Variants in PI4KA observed in about 807,000 individuals in gnomAD.
The protein encoded by PI4KA is PI4-kinase alpha.
Under a neutral mutation model 271.4 loss-of-function variants are expected in PI4KA, and 122 were observed. That is an observed-to-expected ratio of 0.45 (90% CI 0.39 to 0.52). PI4KA has a LOEUF of 0.52. Among genes scored for constraint, PI4KA ranks in the 20% least tolerant of loss-of-function variants. The pLI is 0.00. For synonymous variants in PI4KA, 1,041 were observed against 1,078.8 expected, an observed-to-expected ratio of 0.96 and a Z score of 0.69; for missense variants, 1,969 against 2,769.1, an observed-to-expected ratio of 0.71 and a Z score of 6.48.
chr22:20,773,650 G>A (rs931299389), intron 19 of PI4KA, among the ~76,000 whole-genome samples: 1 of 152,270 alleles, frequency 6.6e-6, no homozygotes, highest in East Asian at 1.9e-4. Flanking sequence ...ACTGAGGAAC[G>A]AGCTCTTGGA....
chr22:20,854,107 A>G (rs1379496225), intron 1 of PI4KA, among the ~76,000 whole-genome samples: 1 of 151,974 alleles, frequency 6.6e-6, no homozygotes, highest in Non-Finnish European at 1.5e-5. Context: ...GGAGCTCAAT[A>G]AATGTTTTCT....
intron 42 of PI4KA, among the ~76,000 whole-genome samples, chr22:20,725,094 C>T (rs1927192253): frequency 6.6e-6 from 1 of 152,210 alleles, no homozygotes; most frequent in Non-Finnish European, 1.5e-5. Flanking sequence ...GGTCTACAGA[C>T]TCCAAGGCTA....
In PI4KA at chr22:20,739,041, A is replaced by C. The variant is rs1212138649; in HGVS notation, c.3741+3187T>G. ...CAAAGTCAGGAGACTCAGTCACAAA[A>C]AAAAAAAAAAAAAAAAGCAACTGGC... is the stretch of plus-strand genomic sequence containing the variant. On this transcript the variant is annotated intron_variant, in intron 32 of 54. Coordinates refer to ENST00000255882, the MANE Select transcript of PI4KA (RefSeq NM_058004.4). Among the ~76,000 whole-genome samples, 274 of 149,650 alleles carry C rather than the reference A, an allele frequency of 1.8e-3. 1 individual carries two copies. Among genetic ancestry groups the C allele is most frequent in the African/African-American group, 6.7e-3 (272 of 40,872 alleles).
At chr22:20,797,196 G>A (rs1935038691) in intron 17 of PI4KA, among the ~76,000 whole-genome samples, 1 of 152,200 alleles carries the variant, frequency 6.6e-6, no homozygotes, top group Admixed American at 6.5e-5. Flanking sequence ...ACAAAGGGCA[G>A]TAAATGCTTC....
chr22:20,726,130 T>C (rs763492200), intron 42 of PI4KA, among the ~76,000 whole-genome samples: 1 of 152,156 alleles, frequency 6.6e-6, no homozygotes, highest in Non-Finnish European at 1.5e-5. Context: ...GACTAATGCA[T>C]ATGTCATCTC....
rs140467082 is a variant in PI4KA, at chr22:20,742,761, A to G, written c.3460T>C (p.Tyr1154His). Residue 1154 changes from tyrosine to histidine, a missense_variant, in exon 31 of 55, where the codon TAT becomes CAT. By Grantham distance (83) the Tyr-to-His change is moderately conservative. Coordinates refer to ENST00000255882, the MANE Select transcript of PI4KA (RefSeq NM_058004.4). ...NLRNRYAGEV[Y>H]GMIRFSGTTG... Reference sequence around the variant, plus strand: ...GTGCCTGAGAACCGAATCATTCCATACACCTGCAAAAACATTCTCATCAGC... The same window carrying G: ...GTGCCTGAGAACCGAATCATTCCATGCACCTGCAAAAACATTCTCATCAGC... 1 of 1,613,996 alleles carries G rather than the reference A, an allele frequency of 6.2e-7. No homozygotes were observed. The highest frequency in any genetic ancestry group is 8.5e-7 in the Non-Finnish European group (1 of 1,179,890).
intron 19 of PI4KA, chr22:20,786,915 C>A (rs1482604660): frequency 6.2e-7 from 1 of 1,614,056 alleles, no homozygotes; most frequent in Non-Finnish European, 8.5e-7. Flanking sequence ...GAGGAAGGCA[C>A]CCAAGCCACC....
intron 23 of PI4KA, among the ~76,000 whole-genome samples, chr22:20,758,468 T>C (rs1931587234): frequency 1.4e-5 from 2 of 147,820 alleles, no homozygotes; most frequent in Admixed American, 6.7e-5. Flanking sequence ...TCTTTTTTTT[T>C]TTTTTTTTTG....
At chr22:20,755,361 C>T (rs188729286) in intron 23 of PI4KA, among the ~76,000 whole-genome samples, 1 of 152,136 alleles carries the variant, frequency 6.6e-6, no homozygotes, top group Non-Finnish European at 1.5e-5. Flanking sequence ...AACAAGGTGC[C>T]CCAGGCTCAT....
At chr22:20,852,399 T>C (rs2147825326) in intron 1 of PI4KA, among the ~76,000 whole-genome samples, 1 of 152,290 alleles carries the variant, frequency 6.6e-6, no homozygotes, top group East Asian at 1.9e-4. Context: ...GAAAGTGGCC[T>C]CGGAAGAAAT....
chr22:20,756,214 T>C (rs1379791359), intron 23 of PI4KA, among the ~76,000 whole-genome samples: 1 of 152,010 alleles, frequency 6.6e-6, no homozygotes, highest in Non-Finnish European at 1.5e-5. Flanking sequence ...AGCTTTTTTT[T>C]TTTTTTTTAA....
chr22:20,807,497 A>G, intron 9 of PI4KA, 39 bp from the exon 10 acceptor site: 1 of 1,221,340 alleles, frequency 8.2e-7, no homozygotes, highest in South Asian at 1.2e-5. Flanking sequence ...TAGAACAGAA[A>G]TGCCCTTCTG....
intron 19 of PI4KA, 33 bp from the exon 20 acceptor site, chr22:20,765,726 T>C: frequency 1.4e-6 from 2 of 1,429,232 alleles, no homozygotes; most frequent in Non-Finnish European, 2.0e-6. Flanking sequence ...AGAAAGGAGG[T>C]TATTTGCTGA....
At chr22:20,758,397 TTC>T (rs1383601143) in intron 23 of PI4KA, among the ~76,000 whole-genome samples, 1 of 147,222 alleles carries the variant, frequency 6.8e-6, no homozygotes, top group Non-Finnish European at 1.5e-5. Context: ...AAACATGAGA[TTC>T]TGTGTCTTAA....
intron 3 of PI4KA, among the ~76,000 whole-genome samples, chr22:20,827,478 G>C (rs1452092159): frequency 6.6e-6 from 1 of 152,036 alleles, no homozygotes; most frequent in Non-Finnish European, 1.5e-5. Flanking sequence ...GTTTGAAGTT[G>C]GGTAATGTGA....
intron 36 of PI4KA, among the ~76,000 whole-genome samples, chr22:20,730,601 C>T (rs1354944353): frequency 6.7e-6 from 1 of 148,256 alleles, no homozygotes. Flanking sequence ...GAAGGAGTCT[C>T]GCTGTGTTGC....
At chr22:20,769,133 A>G (rs994018361) in intron 19 of PI4KA, among the ~76,000 whole-genome samples, 35 of 152,232 alleles carry the variant, frequency 2.3e-4, no homozygotes, top group Non-Finnish European at 3.1e-4. Context: ...TGAGAACAGT[A>G]GCTCCACGTG....
intron 4 of PI4KA, 67 bp from the exon 5 acceptor site, chr22:20,820,678 G>T: frequency 9.0e-7 from 1 of 1,113,916 alleles, no homozygotes; most frequent in Admixed American, 1.9e-5. Flanking sequence ...ACGAAACTAA[G>T]TCAGAATTAG....
intron 28 of PI4KA, among the ~76,000 whole-genome samples, chr22:20,748,124 C>CTGTGGGA (rs1930306874): frequency 6.6e-6 from 1 of 152,212 alleles, no homozygotes; most frequent in East Asian, 1.9e-4. Flanking sequence ...CCTGGGTCTG[C>CTGTGGGA]CCCTCCCTAA....
Sources: allele counts gnomAD v4.1 joint callset (sites outside exome capture counted in the v4.1 genomes callset), GRCh38; gene constraint gnomAD v4.1.1; transcripts MANE v1.5; gene names NCBI Gene and HGNC (gene_info 2026-07-23, HGNC 2026-07-21).